Variants in GABRB3 observed in about 807,000 individuals in gnomAD.
GABRB3 encodes the protein gamma-aminobutyric acid type A receptor subunit beta3.
In GABRB3, 14 loss-of-function variants were observed where a neutral mutation model predicts 52.1. That is an observed-to-expected ratio of 0.27 (90% CI 0.18 to 0.42). The LOEUF (loss-of-function observed/expected upper bound fraction) is 0.42, where lower values mean the gene tolerates loss of function less well. GABRB3 is among the 10% of genes least tolerant of loss of function. The pLI is 1.00. For synonymous variants in GABRB3, 260 were observed against 232.3 expected (o/e 1.12, Z -1.08); for missense variants, 307 against 609.1 (o/e 0.50, Z 5.22).
intron 3 of GABRB3, among the ~76,000 whole-genome samples, chr15:26,702,976 T>C (rs943422089): frequency 1.3e-5 from 2 of 152,122 alleles, no homozygotes; most frequent in African/African-American, 4.8e-5. Flanking sequence ...AGGGCCCTCT[T>C]CCTGGTTCAT....
chr15:26,642,428 C>A (rs1276381617), intron 3 of GABRB3: 3 of 1,233,888 alleles, frequency 2.4e-6, no homozygotes, highest in Non-Finnish European at 3.2e-6. Flanking sequence ...TATATGTATA[C>A]ATACATTTTC....
At chr15:26,739,354 G>A (rs906493280) in intron 3 of GABRB3, among the ~76,000 whole-genome samples, 1 of 151,972 alleles carries the variant, frequency 6.6e-6, no homozygotes, top group African/African-American at 2.4e-5. Flanking sequence ...CGAGTAGAAG[G>A]AATAGTTAAC....
intron 3 of GABRB3, among the ~76,000 whole-genome samples, chr15:26,733,874 A>G (rs868734576): frequency 6.6e-6 from 1 of 152,214 alleles, no homozygotes; most frequent in Admixed American, 6.5e-5. Context: ...ACTGTTCAAT[A>G]GGGAAAGGAC....
Position 26,712,731 on chromosome 15 carries a change from G to C in GABRB3, c.240+59671C>G, listed in dbSNP as rs184092990. Among the ~76,000 whole-genome samples the C allele has an allele frequency of 1.5e-4, 23 of 152,288 alleles. 1 individual carries two copies. In the East Asian group the frequency reaches 2.5e-3, roughly 17 times the overall value. The stretch of plus-strand genomic sequence containing the variant: ...GGAAAGGCGAGGAGGGGGAGAGAAA[G>C]AAGAAGCCAGGGCCCTGTGCCCACG... On this transcript the variant is annotated intron_variant, in intron 3 of 8. Coordinates refer to ENST00000311550, the MANE Select transcript of GABRB3 (RefSeq NM_000814.6).
rs987051576 is a variant in GABRB3, at chr15:26,546,579, A to G, written c.*1214T>C. 6 of 152,536 alleles carry G rather than the reference A, an allele frequency of 3.9e-5. No individual in the cohort carries two copies. The highest frequency in any genetic ancestry group is 1.4e-4 in the African/African-American group (6 of 41,420). The allele number at this position is 152,536 out of a possible 1,614,324, so 9.4% of individuals were successfully genotyped here. ...AGGAGTAGTTGGATGTGCTTATGAAATATGTCAGATACAGAAATAAAGGCA... is the reference window on the plus strand; with the variant it reads ...AGGAGTAGTTGGATGTGCTTATGAAGTATGTCAGATACAGAAATAAAGGCA... On this transcript the variant is annotated 3_prime_UTR_variant, in exon 9 of 9. Transcript: ENST00000311550.
intron 3 of GABRB3, among the ~76,000 whole-genome samples, chr15:26,719,277 C>A (rs941363332): frequency 1.3e-5 from 2 of 152,228 alleles, no homozygotes; most frequent in South Asian, 2.1e-4. Context: ...CGACCCTGCT[C>A]AGCACGGACT....
chr15:26,588,025 T>C (rs1200138413), intron 4 of GABRB3, among the ~76,000 whole-genome samples: 1 of 152,160 alleles, frequency 6.6e-6, no homozygotes, highest in South Asian at 2.1e-4. Flanking sequence ...TTTTTTGTTT[T>C]ATGATTGAGA....
At chr15:26,723,019 G>A (rs914842996) in intron 3 of GABRB3, among the ~76,000 whole-genome samples, 4 of 152,150 alleles carry the variant, frequency 2.6e-5, no homozygotes, top group African/African-American at 9.7e-5. Flanking sequence ...AAGACATTCA[G>A]AGTAGCTTCC....
At chr15:26,725,757 T>G (rs1399765256) in intron 3 of GABRB3, among the ~76,000 whole-genome samples, 1 of 152,232 alleles carries the variant, frequency 6.6e-6, no homozygotes, top group Non-Finnish European at 1.5e-5. Flanking sequence ...GAAATTCATT[T>G]ATGTTTCATA....
intron 3 of GABRB3, among the ~76,000 whole-genome samples, chr15:26,743,771 C>G (rs1349241319): frequency 1.3e-5 from 2 of 152,176 alleles, no homozygotes; most frequent in Non-Finnish European, 2.9e-5. Flanking sequence ...ACTTACCTTG[C>G]ACCAGTTGCA....
At chr15:26,736,897 C>A (rs1325168166) in intron 3 of GABRB3, among the ~76,000 whole-genome samples, 1 of 152,218 alleles carries the variant, frequency 6.6e-6, no homozygotes, top group Admixed American at 6.5e-5. Flanking sequence ...GACTTTGATG[C>A]AAAAGTCACC....
At chr15:26,657,526 T>G (rs1427697880) in intron 3 of GABRB3, among the ~76,000 whole-genome samples, 1 of 152,194 alleles carries the variant, frequency 6.6e-6, no homozygotes, top group Non-Finnish European at 1.5e-5. Flanking sequence ...CTGTATTTAT[T>G]TTCTAAACAC....
chr15:26,654,421 C>T (rs1005380324), intron 3 of GABRB3, among the ~76,000 whole-genome samples: 1 of 150,576 alleles, frequency 6.6e-6, no homozygotes, highest in East Asian at 2.0e-4. Flanking sequence ...GCTGGGATTA[C>T]AGGCGTGAGC....
rs536571924 is a variant in GABRB3 at position 26,564,828 on chromosome 15, A to AG, written c.835+2752_835+2753insC. ...TTTGGTTAGCTTTTTTCTTTTCTTA[A>AG]ACAAATCCATGACTTTTACAACATA... On this transcript the variant is annotated intron_variant, in intron 7 of 8. Coordinates refer to ENST00000311550, the MANE Select transcript of GABRB3 (RefSeq NM_000814.6). 5.1e-3 allele frequency among the ~76,000 whole-genome samples: 774 copies of AG among 152,300 alleles called. 5 individuals are homozygous for AG. The highest frequency in any genetic ancestry group is 8.2e-3 in the Non-Finnish European group (558 of 68,034).
At chr15:26,687,492 T>C (rs1274031698) in intron 3 of GABRB3, among the ~76,000 whole-genome samples, 1 of 152,096 alleles carries the variant, frequency 6.6e-6, no homozygotes, top group East Asian at 1.9e-4. Flanking sequence ...TTTCTCTTCC[T>C]CTCTTCCTCC....
intron 6 of GABRB3, among the ~76,000 whole-genome samples, chr15:26,575,558 T>C (rs1890565679): frequency 6.6e-6 from 1 of 152,184 alleles, no homozygotes; most frequent in Non-Finnish European, 1.5e-5. Context: ...TGGGCAATAA[T>C]TGGATCCTAG....
chr15:26,564,571 T>G (rs1890097319), intron 7 of GABRB3, among the ~76,000 whole-genome samples: 1 of 152,206 alleles, frequency 6.6e-6, no homozygotes, highest in African/African-American at 2.4e-5. Context: ...AGGCAGCACC[T>G]TTATCATGCA....
intron 3 of GABRB3, among the ~76,000 whole-genome samples, chr15:26,672,054 T>C (rs1887916172): frequency 6.6e-6 from 1 of 152,238 alleles, no homozygotes; most frequent in South Asian, 2.1e-4. Context: ...TCTTGTTTTT[T>C]CTTAATGTTT....
chr15:26,572,085 A>G (rs1292635915), intron 6 of GABRB3, among the ~76,000 whole-genome samples: 2 of 150,980 alleles, frequency 1.3e-5, no homozygotes, highest in Non-Finnish European at 2.9e-5. Flanking sequence ...TGCCATTTCC[A>G]ATCAGCAAAA....
Sources: allele counts gnomAD v4.1 joint callset (sites outside exome capture counted in the v4.1 genomes callset), GRCh38; gene constraint gnomAD v4.1.1; transcripts MANE v1.5; gene names NCBI Gene and HGNC (gene_info 2026-07-23, HGNC 2026-07-21).